The following EZR variants were observed in gnomAD, a reference collection of about 807,000 sequenced individuals.
EZR encodes cytovillin 2.
In EZR, 40 loss-of-function variants were observed where a neutral mutation model predicts 74.8. The ratio of observed to expected loss-of-function variants is 0.53; its 90% CI spans 0.42 to 0.70. EZR has a LOEUF of 0.70. EZR is among the 30% of genes least tolerant of loss of function. EZR has a pLI of 0.00. For missense variants in EZR, 678 were observed against 755.8 expected, an observed-to-expected ratio of 0.90 and a Z score of 1.21; for synonymous variants, 341 against 283.3, an observed-to-expected ratio of 1.20 and a Z score of -2.05.
intron 2 of EZR, among the ~76,000 whole-genome samples, chr6:158,808,824 AAAC>A (rs1306606025): frequency 2.0e-5 from 3 of 152,200 alleles, no homozygotes; most frequent in African/African-American, 4.8e-5. Flanking sequence ...TAATAATGCT[AAAC>A]AACAAACAAA....
rs1287200510 is a variant in EZR, at chr6:158,803,584, T to TAC, written c.13-14214_13-14213insGT. Among the ~76,000 whole-genome samples the TAC allele has an allele frequency of 1.4e-4, 2 of 14,440 alleles. 1 individual carries two copies. The highest frequency in any genetic ancestry group is 8.1e-4 in the African/African-American group (2 of 2,478). 9.5% of individuals were successfully genotyped at this position (14,440 alleles called of 152,430 possible). Reference sequence around the variant, plus strand: ...ATATATATATATATATATATATACATATATATATATATATATATATACATA... The same window carrying TAC: ...ATATATATATATATATATATATACATACATATATATATATATATATATACATA... On this transcript the variant is annotated intron_variant, in intron 2 of 13. Transcript: ENST00000367075.
chr6:158,790,055 G>A (rs549978670), intron 2 of EZR, among the ~76,000 whole-genome samples: 1 of 152,324 alleles, frequency 6.6e-6, no homozygotes, highest in Admixed American at 6.5e-5. Flanking sequence ...AGGGAAGAGA[G>A]AAAGAGCTTT....
intron 4 of EZR, 132 bp from the exon 5 acceptor site, chr6:158,785,715 T>C (rs951332665): frequency 3.4e-6 from 4 of 1,174,264 alleles, no homozygotes; most frequent in Non-Finnish European, 4.7e-6. Context: ...CTTAAAGTCA[T>C]CTTTTTAGCA....
At chr6:158,788,664 A>T (rs1226272645) in intron 3 of EZR, among the ~76,000 whole-genome samples, 1 of 149,336 alleles carries the variant, frequency 6.7e-6, no homozygotes, top group South Asian at 2.1e-4. Context: ...AAAAAAAAAA[A>T]CAACGCTGTA....
At chr6:158,810,885 AC>A (rs2128576821) in intron 2 of EZR, among the ~76,000 whole-genome samples, 1 of 152,330 alleles carries the variant, frequency 6.6e-6, no homozygotes, top group South Asian at 2.1e-4. Flanking sequence ...CATTCTTTCC[AC>A]TTAAAAACTA....
intron 2 of EZR, among the ~76,000 whole-genome samples, chr6:158,803,652 T>TAC (rs201242810): frequency 5.0e-5 from 3 of 59,640 alleles, no homozygotes; most frequent in South Asian, 5.7e-4. Flanking sequence ...TATATATATA[T>TAC]ACATATATAT....
At chr6:158,807,480 G>GAA (rs1777368054) in intron 2 of EZR, among the ~76,000 whole-genome samples, 1 of 152,158 alleles carries the variant, frequency 6.6e-6, no homozygotes, top group Admixed American at 6.5e-5. Flanking sequence ...AGTGGGTTTG[G>GAA]AAATGATGGA....
At chr6:158,797,714 A>G (rs1282269528) in intron 2 of EZR, among the ~76,000 whole-genome samples, 1 of 152,248 alleles carries the variant, frequency 6.6e-6, no homozygotes, top group African/African-American at 2.4e-5. Flanking sequence ...AACCAATGAT[A>G]AATGAATTAA....
rs116658583 is a variant in EZR, at chr6:158,784,317, A to T, written c.551+327T>A. Among the ~76,000 whole-genome samples the T allele has an allele frequency of 6.0e-3, 912 of 152,334 alleles. 8 individuals carry two copies. Among genetic ancestry groups the T allele is most frequent in the African/African-American group, 0.021 (863 of 41,576 alleles). On this transcript the variant is annotated intron_variant, in intron 6 of 13. Coordinates refer to ENST00000367075, the MANE Select transcript of EZR (RefSeq NM_001111077.2). ...ACCTTCATATAATGAGCAAACCAGC[A>T]TCTCTTTGACAGAATAATGCTGATT... is the stretch of plus-strand genomic sequence containing the variant.
chr6:158,814,584 G>A lies in EZR; in HGVS notation c.12+3498C>T, dbSNP rs1483102447. Among the ~76,000 whole-genome samples, 8 of 143,664 alleles carry A rather than the reference G, an allele frequency of 5.6e-5. 1 individual carries two copies. Among genetic ancestry groups the A allele is most frequent in the South Asian group, 4.4e-4 (2 of 4,522 alleles). 94.2% of individuals were successfully genotyped at this position (143,664 alleles called of 152,430 possible). On this transcript the variant is annotated intron_variant, in intron 2 of 13. Transcript: ENST00000367075. ...TTTTGAGACAGAGTCTCACTCTGTCGCCAGGCTGGAGTGCAGTGGTGCAAT... is the reference window on the plus strand; with the variant it reads ...TTTTGAGACAGAGTCTCACTCTGTCACCAGGCTGGAGTGCAGTGGTGCAAT...
intron 2 of EZR, among the ~76,000 whole-genome samples, chr6:158,792,252 C>T (rs377338907): frequency 2.7e-5 from 4 of 148,330 alleles, no homozygotes; most frequent in South Asian, 4.4e-4. Flanking sequence ...TCTCCTCTGT[C>T]GCCCAGGTTG....
chr6:158,784,150 G>C lies in EZR; in HGVS notation c.552-484C>G, dbSNP rs556324899. On this transcript the variant is annotated intron_variant, in intron 6 of 13. Coordinates refer to ENST00000367075, the MANE Select transcript of EZR (RefSeq NM_001111077.2). ...AATGCAGACTCGCAAGACTAGGCCA[G>C]AGACAAGGCTCTAGGACGAGAACAC... Among the ~76,000 whole-genome samples, 20 of 152,306 alleles carry C rather than the reference G, an allele frequency of 1.3e-4. No individual in the cohort carries two copies. The East Asian group carries it at 1.5e-3, about 12-fold the overall frequency.
intron 2 of EZR, among the ~76,000 whole-genome samples, chr6:158,797,243 G>A (rs535378410): frequency 4.6e-5 from 7 of 152,288 alleles, no homozygotes; most frequent in South Asian, 2.1e-4. Flanking sequence ...CAACCCTTGA[G>A]TCTTAGACAA....
chr6:158,774,296 C>T (rs1328053184), intron 8 of EZR, among the ~76,000 whole-genome samples: 1 of 152,194 alleles, frequency 6.6e-6, no homozygotes, highest in Non-Finnish European at 1.5e-5. Flanking sequence ...AAGGCAAATG[C>T]TGCCTCCTCA....
chr6:158,791,747 C>T (rs556999075), intron 2 of EZR, among the ~76,000 whole-genome samples: 9 of 107,174 alleles, frequency 8.4e-5, no homozygotes, highest in Admixed American at 1.1e-4. Flanking sequence ...CTTTCTCTGT[C>T]GCCCAGGCTG....
At chr6:158,809,104 CA>C (rs1394338994) in intron 2 of EZR, among the ~76,000 whole-genome samples, 1 of 152,130 alleles carries the variant, frequency 6.6e-6, no homozygotes, top group African/African-American at 2.4e-5. Context: ...CTCAAAAACA[CA>C]AAAACAACAC....
Position 158,767,492 on chromosome 6 carries a change from G to A in EZR, c.1365C>T (p.Asp455=). ...GCAGCTCCTCCTTGGTCTTCACCAG[G>A]TCATCCTGGGCTTCTTTGGCCTTTG... ...WQHRAKEAQD[D]LVKTKEELHL... Residue 455 remains aspartate, a synonymous_variant, in exon 13 of 14, where the codon GAC becomes GAT. Transcript: ENST00000367075. The A allele has an allele frequency of 6.3e-7, 1 of 1,596,978 alleles. No homozygotes were observed.
chr6:158,810,617 G>A (rs928567123), intron 2 of EZR, among the ~76,000 whole-genome samples: 77 of 152,308 alleles, frequency 5.1e-4, no homozygotes, highest in African/African-American at 1.7e-3. Context: ...CACAGAGAGA[G>A]GATGGACATG....
Position 158,798,714 on chromosome 6 carries a change from C to T in EZR, c.13-9343G>A, listed in dbSNP as rs564851621. On this transcript the variant is annotated intron_variant, in intron 2 of 13. Transcript: ENST00000367075. ...TGGCGTGATCTCAGCTCACTGCAAC[C>T]TCTGCCTCCAGGGTTCAAGAGATTC... 5.3e-5 allele frequency among the ~76,000 whole-genome samples: 8 copies of T among 151,442 alleles called. No homozygotes were observed. In the South Asian group the frequency reaches 1.5e-3, roughly 28 times the overall value.
Sources: gnomAD v4.1 joint callset for allele counts (sites outside exome capture counted in the v4.1 genomes callset) on GRCh38, gnomAD v4.1.1 for gene constraint, MANE v1.5 for transcripts, NCBI Gene and HGNC (gene_info 2026-07-23, HGNC 2026-07-21) for gene names.